Variants in IDS observed in about 807,000 individuals in gnomAD.
IDS encodes the protein iduronate 2-sulfatase.
A neutral mutation model predicts 33.5 loss-of-function variants in IDS; 1 was observed. That is an observed-to-expected ratio of 0.03 (90% CI 0.01 to 0.14). The LOEUF (loss-of-function observed/expected upper bound fraction) is 0.14, where lower values mean the gene tolerates loss of function less well. Among genes scored for constraint, IDS ranks in the 10% least tolerant of loss-of-function variants. The pLI is 1.00. For synonymous variants in IDS, 191 were observed against 184.4 expected, an observed-to-expected ratio of 1.04 and a Z score of -0.29; for missense variants, 328 against 448.0, an observed-to-expected ratio of 0.73 and a Z score of 2.42.
At chrX:149,498,382 T>G (rs891184625) in intron 4 of IDS, 75 bp from the exon 5 acceptor site, 4 of 845,838 alleles carry the variant, frequency 4.7e-6, no homozygotes, top group Non-Finnish European at 5.1e-6. Flanking sequence ...ACACACAGAT[T>G]TAATGTTCAC....
intron 3 of IDS, chrX:149,502,659 A>AT (rs782155606): frequency 5.7e-5 from 7 of 121,994 alleles, no homozygotes; most frequent in South Asian, 2.5e-4. Flanking sequence ...TTTTTTCTCC[A>AT]TTTTTTTTCT....
At chrX:149,487,134 A>G (rs782061914) in intron 7 of IDS, 36 bp from the exon 8 acceptor site, 35 of 1,208,926 alleles carry the variant, frequency 2.9e-5, no homozygotes, top group Middle Eastern at 4.7e-4. Flanking sequence ...CAGAAAATGA[A>G]TAATCATCAT....
intron 7 of IDS, among the ~76,000 whole-genome samples, chrX:149,488,587 T>C (rs1197196295): frequency 1.9e-4 from 20 of 107,105 alleles, no homozygotes; most frequent in African/African-American, 6.5e-4. Flanking sequence ...CCAGCTTTTG[T>C]GAGCTGCCCT....
In IDS at chrX:149,482,285, A is replaced by G; in HGVS notation, c.*461T>C. The G allele has an allele frequency of 8.0e-6, 1 of 125,697 alleles. No individual in the cohort carries two copies. The highest frequency in any genetic ancestry group is 4.1e-3 in the Middle Eastern group (1 of 243). 10.4% of individuals were successfully genotyped at this position (125,697 alleles called of 1,213,427 possible). ...ATTTTGAATATATAGGGCTCATAAG[A>G]TATATTATTAAATTATAAACAAAAT... On this transcript the variant is annotated 3_prime_UTR_variant, in exon 9 of 9. Coordinates refer to ENST00000340855, the MANE Select transcript of IDS (RefSeq NM_000202.8).
At position 149,493,781 on chromosome X, in the gene IDS, G is replaced by A. The variant is rs1218201919; in HGVS notation, c.879+2565C>T. Among the ~76,000 whole-genome samples, 4 of 111,069 alleles carry A rather than the reference G, an allele frequency of 3.6e-5. No individual in the cohort carries two copies. In the East Asian group the frequency reaches 8.5e-4, roughly 24 times the overall value. ...CTAGGTGGCATCTGATCCTGTGAAC[G>A]GCACATTAAGGACTCCAAGACTCAG... On this transcript the variant is annotated intron_variant, in intron 6 of 8. Coordinates refer to ENST00000340855, the MANE Select transcript of IDS (RefSeq NM_000202.8).
At position 149,482,913 on chromosome X, in the gene IDS, C is replaced by T; in HGVS notation, c.1486G>A (p.Asp496Asn). The T allele has an allele frequency of 8.3e-7, 1 of 1,211,489 alleles. No individual in the cohort carries two copies. The highest frequency in any genetic ancestry group is 3.0e-5 in the East Asian group (1 of 33,869). The change falls in exon 9 of 9, where the codon GAC becomes AAC. Residue 496 changes from aspartate to asparagine, a missense_variant. Transcript: ENST00000340855. ...CCAACCCACACAGTATACCTATAGT[C>T]TATGGTGCGTATGGAATAGCCCATG... ...KIMGYSIRTI[D>N]YRYTVWVGFN...
At position 149,498,283 on chromosome X, in the gene IDS, G is replaced by C; in HGVS notation, c.532C>G (p.Leu178Val). ...TKTCRGPDGE[L>V]HANLLCPVDV... is the part of the protein sequence containing the mutation. The stretch of plus-strand genomic sequence containing the variant: ...ACAGGGCAAAGCAGGTTGGCATGGA[G>C]TTCTCCATCTGGCCCTCGACATGTC... Residue 178 changes from leucine to valine, a missense_variant, in exon 5 of 9, where the codon CTC becomes GTC. Physicochemically the swap from Leu to Val is conservative, Grantham distance 32. This residue lies in a region of IDS where 265 missense variants were observed against 339.2 expected (regional missense o/e 0.78). Coordinates refer to ENST00000340855, the MANE Select transcript of IDS (RefSeq NM_000202.8). The C allele has an allele frequency of 1.7e-6, 2 of 1,210,933 alleles. No homozygotes were observed. Among genetic ancestry groups the C allele is most frequent in the Non-Finnish European group, 2.2e-6 (2 of 894,541 alleles).
At chrX:149,504,916 T>G in intron 1 of IDS, 119 bp downstream of exon 1, 1 of 499,296 alleles carries the variant, frequency 2.0e-6, no homozygotes, top group Admixed American at 3.1e-5. Context: ...AAAGAAGGAA[T>G]GGTAGGAGAG....
rs1557340261 is a variant in IDS, at chrX:149,503,425, A to T, written c.305T>A (p.Leu102Gln). ...LTGRRPDTTRLYDFNSYWRVH... is the reference protein window; with the variant it reads ...LTGRRPDTTRQYDFNSYWRVH... ...CCTCCAGTAGGAGTTGAAGTCGTAC[A>T]GGCGGGTGGTGTCAGGTCTCCTGCC... The change falls in exon 3 of 9, where the codon CTG (leucine) becomes CAG (glutamine). Residue 102 changes from leucine to glutamine, a missense_variant. Leu to Gln is a moderately radical substitution (Grantham distance 113, BLOSUM62 -2). Coordinates refer to ENST00000340855, the MANE Select transcript of IDS (RefSeq NM_000202.8). The T allele has an allele frequency of 7.6e-6, 9 of 1,184,613 alleles. No homozygotes were observed. Among genetic ancestry groups the T allele is most frequent in the Non-Finnish European group, 5.7e-6 (5 of 880,364 alleles).
At chrX:149,501,947 C>A in intron 3 of IDS, 1 of 227,304 alleles carries the variant, frequency 4.4e-6, no homozygotes, top group Non-Finnish European at 8.4e-6. Flanking sequence ...TCCTTGCAAC[C>A]TCTGGCAAGC....
intron 6 of IDS, among the ~76,000 whole-genome samples, chrX:149,494,356 C>T (rs969570045): frequency 9.0e-6 from 1 of 111,701 alleles, no homozygotes; most frequent in Non-Finnish European, 1.9e-5. Flanking sequence ...TAGCAATCCC[C>T]GTGAGGTAGA....
chrX:149,486,981 T>C lies in IDS; in HGVS notation c.1124A>G (p.Glu375Gly). The change falls in exon 8 of 9, where the codon GAG (glutamate) becomes GGG (glycine). Residue 375 changes from glutamate to glycine, a missense_variant. Physicochemically the swap from Glu to Gly is moderately conservative, Grantham distance 98. This residue lies in a region of IDS where 265 missense variants were observed against 339.2 expected (regional missense o/e 0.78). Coordinates refer to ENST00000340855, the MANE Select transcript of IDS (RefSeq NM_000202.8). ...GRTASLPEAG[E>G]KLFPYLDPFD... ...AGGGTCGAGGTAAGGGAAAAGCTTCTCGCCTGCCTCCGGAAGTGAAGCCGT... is the reference window on the plus strand; with the variant it reads ...AGGGTCGAGGTAAGGGAAAAGCTTCCCGCCTGCCTCCGGAAGTGAAGCCGT... 1 of 1,211,988 alleles carries C rather than the reference T, an allele frequency of 8.3e-7. No individual in the cohort carries two copies. The highest frequency in any genetic ancestry group is 2.2e-5 in the Admixed American group (1 of 46,093).
intron 4 of IDS, among the ~76,000 whole-genome samples, chrX:149,500,513 T>A (rs1311751371): frequency 8.9e-6 from 1 of 112,335 alleles, no homozygotes; most frequent in Non-Finnish European, 1.9e-5. Flanking sequence ...GCTCTAAAAA[T>A]TCAAAACCCC....
At chrX:149,495,865 T>C (rs2089432017) in intron 6 of IDS, among the ~76,000 whole-genome samples, 1 of 112,247 alleles carries the variant, frequency 8.9e-6, no homozygotes, top group South Asian at 3.7e-4. Context: ...GGTGTCCCAG[T>C]TCCCTCTGCA....
Position 149,478,902 on chromosome X carries a change from C to T in IDS, c.*3844G>A, listed in dbSNP as rs1431559828. 1 of 113,025 alleles carries T rather than the reference C, an allele frequency of 8.8e-6. No individual in the cohort carries two copies. The highest frequency in any genetic ancestry group is 1.9e-5 in the Non-Finnish European group (1 of 53,386). The allele number at this position is 113,025 out of a possible 1,213,427, so 9.3% of individuals were successfully genotyped here. ...TTTGATTATTTTAAAAGGTGAAACC[C>T]ATAACCAAAATTTAAAGGCAAATTC... On this transcript the variant is annotated 3_prime_UTR_variant, in exon 9 of 9. Transcript: ENST00000340855.
chrX:149,499,892 A>C (rs2089465919), intron 4 of IDS, among the ~76,000 whole-genome samples: 2 of 111,206 alleles, frequency 1.8e-5, no homozygotes, highest in Non-Finnish European at 3.8e-5. Flanking sequence ...TAAAGTAGAC[A>C]TGCTGGCCGT....
intron 6 of IDS, chrX:149,495,466 G>GCT (rs1871373090): frequency 1.2e-5 from 1 of 80,128 alleles, no homozygotes; most frequent in African/African-American, 4.2e-5. Context: ...CACCTGGTGT[G>GCT]CTTTTTTTTT....
intron 6 of IDS, among the ~76,000 whole-genome samples, chrX:149,491,348 G>A (rs1458797709): frequency 2.7e-5 from 3 of 112,445 alleles, no homozygotes; most frequent in Non-Finnish European, 3.8e-5. Flanking sequence ...AAGTAAATGA[G>A]CCACCGGCCC....
Position 149,504,889 on chromosome X carries a change from G to T in IDS, c.103+146C>A, listed in dbSNP as rs1252832765. 9.1e-6 allele frequency: 4 copies of T among 440,404 alleles called. No homozygotes were observed. The Admixed American group carries it at 1.4e-4, about 15-fold the overall frequency. 36.3% of individuals were successfully genotyped at this position (440,404 alleles called of 1,213,427 possible). On this transcript the variant is annotated intron_variant, in intron 1 of 8. Transcript: ENST00000340855. ...AGGAAGGAGTGAAAAATGGAGGGAGGGAACGAATGATGGATGAAAGAAGGA... is the reference window on the plus strand; with the variant it reads ...AGGAAGGAGTGAAAAATGGAGGGAGTGAACGAATGATGGATGAAAGAAGGA...
Sources: gnomAD v4.1 joint callset for allele counts (sites outside exome capture counted in the v4.1 genomes callset) on GRCh38, gnomAD v4.1.1 for gene constraint, gnomAD v4.1.1 regional missense constraint, MANE v1.5 for transcripts, NCBI Gene and HGNC (gene_info 2026-07-23, HGNC 2026-07-21) for gene names.